Variants in PDZD7 observed in about 807,000 individuals in gnomAD.
PDZD7 encodes the protein PDZ domain-containing protein 7.
Under a neutral mutation model 84.7 loss-of-function variants are expected in PDZD7, and 72 were observed. The ratio of observed to expected loss-of-function variants is 0.85; its 90% CI spans 0.70 to 1.03. PDZD7 has a LOEUF of 1.03. Among genes scored for constraint, PDZD7 ranks in the 50% least tolerant of loss-of-function variants. The pLI is 0.00. For missense variants in PDZD7, 1,490 were observed against 1,412.9 expected, an observed-to-expected ratio of 1.05 and a Z score of -0.87; for synonymous variants, 594 against 580.7, an observed-to-expected ratio of 1.02 and a Z score of -0.33.
chr10:101,008,155 C>T lies in PDZD7; in HGVS notation c.*312G>A. The T allele has an allele frequency of 4.6e-6, 2 of 433,448 alleles. No individual in the cohort carries two copies. Among genetic ancestry groups the T allele is most frequent in the East Asian group, 3.5e-5 (1 of 28,570 alleles). 26.9% of individuals were successfully genotyped at this position (433,448 alleles called of 1,614,324 possible). On this transcript the variant is annotated 3_prime_UTR_variant, in exon 17 of 17. Transcript: ENST00000619208. ...GGCTTGGGCGACTCATAAGGGACAG[C>T]ATGTGAGAAAGTGCCCACCAATCCC...
In PDZD7 at chr10:101,010,474, G is replaced by A; in HGVS notation, c.2415C>T (p.Pro805=). Residue 805 remains proline (P), a synonymous_variant, in exon 15 of 17, where the codon CCC becomes CCT. Coordinates refer to ENST00000619208, the MANE Select transcript of PDZD7 (RefSeq NM_001195263.2). ...TGTGGTAGCGCCCATTGGTCATGCT[G>A]GGGGCAGGGGTAGGCACCGGGGATG... The part of the protein sequence containing the change: ...RSPSPVPTPA[P]SMTNGRYHKP... 7 of 1,535,650 alleles carry A rather than the reference G, an allele frequency of 4.6e-6. No homozygotes were observed. Among genetic ancestry groups the A allele is most frequent in the Non-Finnish European group, 6.1e-6 (7 of 1,146,536 alleles).
chr10:101,025,430 G>A (rs910374929), intron 2 of PDZD7, among the ~76,000 whole-genome samples: 4 of 151,826 alleles, frequency 2.6e-5, no homozygotes, highest in African/African-American at 9.7e-5. Context: ...GGCTGGTCTT[G>A]AACTCCTGAC....
At position 101,023,931 on chromosome 10, in the gene PDZD7, C is replaced by T. The variant is rs754203607; in HGVS notation, c.364G>A (p.Ala122Thr). The T allele has an allele frequency of 1.6e-5, 26 of 1,614,248 alleles. No individual in the cohort carries two copies. The highest frequency in any genetic ancestry group is 2.2e-5 in the Non-Finnish European group (26 of 1,180,026). Reference sequence around the variant, plus strand: ...TCAGCCTGGGGGTTCTGCTTACCTGCACTGCTGCCTTCCTCCACTTTGCTG... The same window carrying T: ...TCAGCCTGGGGGTTCTGCTTACCTGTACTGCTGCCTTCCTCCACTTTGCTG... ...FVSKVEEGSS[A>T]ERAGLCVGDK... The change falls in exon 3 of 17, where the codon GCA becomes ACA. Residue 122 changes from alanine to threonine, a missense_variant. Ala to Thr is a moderately conservative substitution (Grantham distance 58). Transcript: ENST00000619208.
intron 6 of PDZD7, among the ~76,000 whole-genome samples, chr10:101,021,274 G>C (rs979155708): frequency 1.3e-5 from 2 of 152,138 alleles, no homozygotes; most frequent in African/African-American, 4.8e-5. Context: ...AGGGGCCAGG[G>C]CTGGGCACCA....
intron 2 of PDZD7, among the ~76,000 whole-genome samples, chr10:101,026,035 A>G (rs953107232): frequency 6.6e-6 from 1 of 152,148 alleles, no homozygotes; most frequent in Non-Finnish European, 1.5e-5. Context: ...ACCCCAGACC[A>G]CACCACACTG....
intron 11 of PDZD7, among the ~76,000 whole-genome samples, chr10:101,014,125 C>T (rs1050084476): frequency 6.6e-6 from 1 of 151,750 alleles, no homozygotes; most frequent in Non-Finnish European, 1.5e-5. Context: ...ACCCAAAGTG[C>T]TGGGATTACA....
At position 101,031,111 on chromosome 10, in the gene PDZD7, C is replaced by T. The variant is rs898489498; in HGVS notation, c.-204G>A. 2 of 152,378 alleles carry T rather than the reference C, an allele frequency of 1.3e-5. No homozygotes were observed. Among genetic ancestry groups the T allele is most frequent in the South Asian group, 2.1e-4 (1 of 4,848 alleles). The allele number at this position is 152,378 out of a possible 1,614,324, so 9.4% of individuals were successfully genotyped here. On this transcript the variant is annotated 5_prime_UTR_variant, in exon 1 of 17. The change creates a new upstream start codon in the 5' untranslated region. Transcript: ENST00000619208. ...TGGCGCCGCCAGCCTTGTCAAACCA[C>T]CCGCAGGCGAGAGCTACTGCCGCAG...
intron 15 of PDZD7, among the ~76,000 whole-genome samples, chr10:101,010,054 G>A (rs182979964): frequency 5.3e-5 from 8 of 152,112 alleles, no homozygotes; most frequent in African/African-American, 1.9e-4. Context: ...CACCACACAC[G>A]GCTAATTCTT....
Position 101,011,911 on chromosome 10 carries a change from C to T in PDZD7, c.1933+14G>A. 6.5e-7 allele frequency: 1 copy of T among 1,549,828 alleles called. No individual in the cohort carries two copies. The highest frequency in any genetic ancestry group is 8.7e-7 in the Non-Finnish European group (1 of 1,146,904). ...AGGGCTCAGGACCCAGAAGCCCCGC[C>T]CCCCACTGCTGACCTGCCCTGCTCT... On this transcript the variant is annotated intron_variant, in intron 13 of 16. Transcript: ENST00000619208.
chr10:101,018,307 G>T lies in PDZD7; in HGVS notation c.1325-11C>A. On this transcript the variant is annotated splice_polypyrimidine_tract_variant and intron_variant, in intron 8 of 16. Coordinates refer to ENST00000619208, the MANE Select transcript of PDZD7 (RefSeq NM_001195263.2). ...GCTGCTGCTTCTCCTCTGCAGACAC[G>T]AGGGAGCAACGGGGGAGCTGGAGGG... The T allele has an allele frequency of 1.2e-6, 2 of 1,613,278 alleles. No individual in the cohort carries two copies. The highest frequency in any genetic ancestry group is 1.7e-6 in the Non-Finnish European group (2 of 1,179,996).
intron 7 of PDZD7, among the ~76,000 whole-genome samples, chr10:101,019,542 GCCTCCTCCTCCTCCTCCT>G (rs141118065): frequency 4.0e-4 from 36 of 89,308 alleles, no homozygotes; most frequent in African/African-American, 7.4e-4. Context: ...TTCTGCTTCT[GCCTCCTCCTCCTCCTCCT>G]CCTCCTCCTC....
rs954809799 is a variant in PDZD7, at chr10:101,019,164, C to G, written c.982G>C (p.Val328Leu). The G allele has an allele frequency of 6.5e-7, 1 of 1,539,526 alleles. No individual in the cohort carries two copies. Among genetic ancestry groups the G allele is most frequent in the Admixed American group, 1.9e-5 (1 of 51,384 alleles). ...LSPASESSSS[V>L]SSCASSAPYS... ...GGGGCGCTGGAGGCGCACGAAGAGACGCTGGAGCTGCTCTCAGAGGCCGGG... is the reference window on the plus strand; with the variant it reads ...GGGGCGCTGGAGGCGCACGAAGAGAGGCTGGAGCTGCTCTCAGAGGCCGGG... Residue 328 changes from valine to leucine, a missense_variant, in exon 8 of 17, where the codon GTC becomes CTC. By Grantham distance (32) the Val-to-Leu change is conservative. Transcript: ENST00000619208.
chr10:101,020,523 C>A lies in PDZD7; in HGVS notation c.928+95G>T, dbSNP rs1241309086. On this transcript the variant is annotated intron_variant, in intron 7 of 16. Transcript: ENST00000619208. ...AAAATGCTGGGATTACAGGTGTAAG[C>A]CACCAAGCCTGGCCCTTTTCTTCTT... 4 of 1,195,104 alleles carry A rather than the reference C, an allele frequency of 3.3e-6. No individual in the cohort carries two copies. The East Asian group carries it at 9.6e-5, about 29-fold the overall frequency. 74.0% of individuals were successfully genotyped at this position (1,195,104 alleles called of 1,614,324 possible).
chr10:101,017,838 G>GTAAA, intron 9 of PDZD7: 1 of 165,784 alleles, frequency 6.0e-6, no homozygotes, highest in Non-Finnish European at 1.0e-5. Context: ...AAGGAAGGAA[G>GTAAA]GAAAGAAAGA....
At position 101,015,368 on chromosome 10, in the gene PDZD7, G is replaced by A. The variant is rs74154262; in HGVS notation, c.1749+268C>T. Among the ~76,000 whole-genome samples the A allele has an allele frequency of 1.9e-3, 294 of 152,292 alleles. 1 individual carries two copies. The highest frequency in any genetic ancestry group is 6.8e-3 in the African/African-American group (281 of 41,558). On this transcript the variant is annotated intron_variant, in intron 11 of 16. Transcript: ENST00000619208. Reference sequence around the variant, plus strand: ...TCTAATGTGTGTCTCCTGGGTTACCGTCTCATGTTCTTTTTCTTCAGCTCT... The same window carrying A: ...TCTAATGTGTGTCTCCTGGGTTACCATCTCATGTTCTTTTTCTTCAGCTCT...
At chr10:101,009,859 G>A (rs889657248) in intron 15 of PDZD7, among the ~76,000 whole-genome samples, 1 of 151,328 alleles carries the variant, frequency 6.6e-6, no homozygotes, top group Non-Finnish European at 1.5e-5. Flanking sequence ...CACCCTCCTG[G>A]GCCTCCTGAA....
Position 101,022,402 on chromosome 10 carries a change from G to A in PDZD7, c.543-17C>T, listed in dbSNP as rs761195599. On this transcript the variant is annotated splice_polypyrimidine_tract_variant and intron_variant, in intron 4 of 16. Transcript: ENST00000619208. ...ACATCCACCCTGGACAACAGCAGGG[G>A]GCCCTCAGGTGGGGTCCTCCATCCA... 3 of 1,613,722 alleles carry A rather than the reference G, an allele frequency of 1.9e-6. No homozygotes were observed. Among genetic ancestry groups the A allele is most frequent in the South Asian group, 2.2e-5 (2 of 91,044 alleles).
chr10:101,009,520 C>A (rs1346815204), intron 15 of PDZD7, among the ~76,000 whole-genome samples, 170 bp from the exon 16 acceptor site: 1 of 152,092 alleles, frequency 6.6e-6, no homozygotes, highest in Admixed American at 6.6e-5. Flanking sequence ...CAGATCCCAG[C>A]CCCTCAAATC....
In PDZD7 at chr10:101,023,600, G is replaced by T. The variant is rs770162541; in HGVS notation, c.378C>A (p.Gly126=). 1 of 1,612,166 alleles carries T rather than the reference G, an allele frequency of 6.2e-7. No homozygotes were observed. Among genetic ancestry groups the T allele is most frequent in the South Asian group, 1.1e-5 (1 of 91,088 alleles). Residue 126 remains glycine, a synonymous_variant, in exon 4 of 17, where the codon GGC becomes GGA. Transcript: ENST00000619208. ...VEEGSSAERA[G]LCVGDKITEV... ...CCGTGATCTTGTCCCCCACGCACAGGCCAGCCCGCTCTGCACCACAGGATG... is the reference window on the plus strand; with the variant it reads ...CCGTGATCTTGTCCCCCACGCACAGTCCAGCCCGCTCTGCACCACAGGATG...
Sources: allele counts gnomAD v4.1 joint callset (sites outside exome capture counted in the v4.1 genomes callset), GRCh38; gene constraint gnomAD v4.1.1; transcripts MANE v1.5; gene names NCBI Gene and HGNC (gene_info 2026-07-23, HGNC 2026-07-21).